Variants in SGO2 observed in about 807,000 individuals in gnomAD.
The protein encoded by SGO2 is shugoshin 2.
SGO2 carries 68 observed loss-of-function variants against 99.5 expected under a neutral mutation model. The observed-to-expected ratio is 0.68, with a 90% CI of 0.56 to 0.84. SGO2 has a LOEUF of 0.84. SGO2 is among the 40% of genes least tolerant of loss of function. SGO2 has a pLI of 0.00. For synonymous variants in SGO2, 457 were observed against 487.1 expected (o/e 0.94, Z 0.81); for missense variants, 1,350 against 1,436.7 (o/e 0.94, Z 0.97).
At chr2:200,534,054 T>C (rs1208065523) in intron 2 of SGO2, among the ~76,000 whole-genome samples, 2 of 152,210 alleles carry the variant, frequency 1.3e-5, no homozygotes, top group East Asian at 3.8e-4. Flanking sequence ...AAAACTACTC[T>C]CTCTGTGCCA....
chr2:200,559,509 T>A (rs2106331239), intron 5 of SGO2, among the ~76,000 whole-genome samples: 1 of 152,288 alleles, frequency 6.6e-6, no homozygotes, highest in African/African-American at 2.4e-5. Context: ...TTGGGGTAGT[T>A]TAGATTATCA....
At chr2:200,550,958 C>A (rs2032455998) in intron 5 of SGO2, among the ~76,000 whole-genome samples, 1 of 148,494 alleles carries the variant, frequency 6.7e-6, no homozygotes. Context: ...GATTAATAAC[C>A]AGCATATATT....
chr2:200,549,008 G>A (rs2032354577), intron 5 of SGO2, among the ~76,000 whole-genome samples: 1 of 152,116 alleles, frequency 6.6e-6, no homozygotes, highest in African/African-American at 2.4e-5. Context: ...TATAATCCCA[G>A]CCCTTTGGGA....
intron 5 of SGO2, among the ~76,000 whole-genome samples, chr2:200,569,066 A>G (rs1574873854): frequency 1.3e-5 from 2 of 152,020 alleles, no homozygotes; most frequent in Non-Finnish European, 2.9e-5. Context: ...TCCTTGGAAT[A>G]CAAGACAGCT....
chr2:200,580,867 T>A (rs1049027341), intron 8 of SGO2, among the ~76,000 whole-genome samples: 37 of 148,556 alleles, frequency 2.5e-4, no homozygotes, highest in African/African-American at 8.9e-4. Flanking sequence ...ACAAAAAAAT[T>A]TTTTTTTAAA....
intron 8 of SGO2, among the ~76,000 whole-genome samples, chr2:200,578,909 G>A (rs76122158): frequency 0.1 from 15,367 of 152,040 alleles, 1,038 homozygotes; most frequent in Non-Finnish European, 0.15. Flanking sequence ...TGTCTGGCTC[G>A]GTTTCATAAC....
chr2:200,582,915 T>C (rs958743571), intron 8 of SGO2, among the ~76,000 whole-genome samples: 5 of 152,082 alleles, frequency 3.3e-5, no homozygotes, highest in African/African-American at 9.7e-5. Context: ...TATATAAAGA[T>C]ATCTATCAAA....
Position 200,575,306 on chromosome 2 carries a change from T to C in SGO2, c.3632-5T>C. On this transcript the variant is annotated splice_region_variant and splice_polypyrimidine_tract_variant and intron_variant, in intron 7 of 8. Transcript: ENST00000357799. ...ATATTTGTGAAAAATAATATTCTTT[T>C]TCAGGTGATAGACCATTACAGGACT... The C allele has an allele frequency of 6.5e-7, 1 of 1,527,936 alleles. No homozygotes were observed. 94.6% of individuals were successfully genotyped at this position (1,527,936 alleles called of 1,614,324 possible). A position where few individuals can be genotyped will look rare whatever the true frequency, so the allele number is the denominator to read the frequency against.
chr2:200,539,629 AT>A (rs1461952723), intron 4 of SGO2, among the ~76,000 whole-genome samples: 1 of 151,540 alleles, frequency 6.6e-6, no homozygotes, highest in Non-Finnish European at 1.5e-5. Flanking sequence ...AATACTTTCA[AT>A]TTTTTAAATT....
chr2:200,582,032 C>G (rs1158615185), intron 8 of SGO2, among the ~76,000 whole-genome samples: 1 of 152,048 alleles, frequency 6.6e-6, no homozygotes. Context: ...CATCTAAAAA[C>G]CACATTTACA....
chr2:200,577,966 C>T (rs955691883), intron 8 of SGO2, among the ~76,000 whole-genome samples: 5 of 152,040 alleles, frequency 3.3e-5, no homozygotes, highest in African/African-American at 9.7e-5. Flanking sequence ...TGTTAATGAA[C>T]ATGGGAGGGA....
At position 200,573,631 on chromosome 2, in the gene SGO2, A is replaced by G; in HGVS notation, c.3285A>G (p.Val1095=). The G allele has an allele frequency of 6.2e-7, 1 of 1,612,976 alleles. No individual in the cohort carries two copies. The highest frequency in any genetic ancestry group is 8.5e-7 in the Non-Finnish European group (1 of 1,179,422). The change falls in exon 7 of 9, where the codon GTA becomes GTG. Residue 1095 remains valine, a synonymous_variant. Coordinates refer to ENST00000357799, the MANE Select transcript of SGO2 (RefSeq NM_152524.6). ...ATCCTTCTCCAGAGAGCCATGAAGT[A>G]ATGGAAAGAATACTTGACAGCGTTC... ...SIDPSPESHE[V]MERILDSVQG...
At chr2:200,550,207 A>G (rs190019773) in intron 5 of SGO2, among the ~76,000 whole-genome samples, 70 of 152,324 alleles carry the variant, frequency 4.6e-4, no homozygotes, top group African/African-American at 1.4e-3. Flanking sequence ...ATAGGACACC[A>G]AAAAAGGGAA....
intron 5 of SGO2, among the ~76,000 whole-genome samples, chr2:200,554,746 C>T (rs911910376): frequency 6.6e-6 from 1 of 152,142 alleles, no homozygotes; most frequent in African/African-American, 2.4e-5. Context: ...ACAGTGCTTC[C>T]TGTAAGATTT....
At position 200,555,735 on chromosome 2, in the gene SGO2, C is replaced by A. The variant is rs551407317; in HGVS notation, c.473+13071C>A. Among the ~76,000 whole-genome samples the A allele has an allele frequency of 2.6e-5, 4 of 152,296 alleles. No homozygotes were observed. The South Asian group carries it at 8.3e-4, about 32-fold the overall frequency. ...AAGCATATTTCCTACCAAATTATTA[C>A]ACCCCAATGTTCTCTCATAATGCAA... is the stretch of plus-strand genomic sequence containing the variant. On this transcript the variant is annotated intron_variant, in intron 5 of 8. Transcript: ENST00000357799.
intron 5 of SGO2, among the ~76,000 whole-genome samples, chr2:200,545,557 A>AAAAC (rs910032198): frequency 3.3e-5 from 5 of 152,028 alleles, no homozygotes; most frequent in Admixed American, 1.3e-4. Flanking sequence ...AAAACAAAAC[A>AAAAC]AAATATACAG....
chr2:200,561,311 T>A lies in SGO2; in HGVS notation c.474-8352T>A, dbSNP rs543492383. On this transcript the variant is annotated intron_variant, in intron 5 of 8. Transcript: ENST00000357799. ...CATGCAGTGTTTGGTTTTCTGTCCT[T>A]GCAATAGTTTGCTGAGAATGATGGT... is the stretch of plus-strand genomic sequence containing the variant. Among the ~76,000 whole-genome samples, 230 of 152,324 alleles carry A rather than the reference T, an allele frequency of 1.5e-3. 1 individual carries two copies. Among genetic ancestry groups the A allele is most frequent in the African/African-American group, 5.2e-3 (216 of 41,564 alleles).
intron 5 of SGO2, among the ~76,000 whole-genome samples, chr2:200,561,883 A>G (rs985365217): frequency 6.6e-6 from 1 of 151,948 alleles, no homozygotes; most frequent in Non-Finnish European, 1.5e-5. Context: ...GTTATCCTTC[A>G]CCCACTTTTT....
rs1380435553 is a variant in SGO2, at chr2:200,536,818, G to A, written c.387+676G>A. ...AGGTGATGGGTCATATAGACGTACTGTTCTAACATCAGAACGAGATAAGAA... is the reference window on the plus strand; with the variant it reads ...AGGTGATGGGTCATATAGACGTACTATTCTAACATCAGAACGAGATAAGAA... On this transcript the variant is annotated intron_variant, in intron 4 of 8. Transcript: ENST00000357799. Among the ~76,000 whole-genome samples, 71 of 152,066 alleles carry A rather than the reference G, an allele frequency of 4.7e-4. 1 individual carries two copies. Among genetic ancestry groups the A allele is most frequent in the Admixed American group, 4.7e-3 (71 of 15,250 alleles).
Sources: gnomAD v4.1 joint callset for allele counts (sites outside exome capture counted in the v4.1 genomes callset) on GRCh38, gnomAD v4.1.1 for gene constraint, MANE v1.5 for transcripts, NCBI Gene and HGNC (gene_info 2026-07-23, HGNC 2026-07-21) for gene names.